The following CNNM2 variants were observed in gnomAD, a reference collection of about 807,000 sequenced individuals.
CNNM2 encodes the protein cyclin and CBS domain divalent metal cation transport mediator 2.
CNNM2 carries 12 observed loss-of-function variants against 66.9 expected under a neutral mutation model. The observed-to-expected ratio is 0.18, with a 90% CI of 0.11 to 0.29. The LOEUF is 0.29. Among genes scored for constraint, CNNM2 ranks in the 10% least tolerant of loss-of-function variants. The pLI is 1.00. For synonymous variants in CNNM2, 557 were observed against 501.8 expected, an observed-to-expected ratio of 1.11 and a Z score of -1.47; for missense variants, 705 against 1,167.7, an observed-to-expected ratio of 0.60 and a Z score of 5.77.
intron 1 of CNNM2, chr10:102,927,696 C>T (rs1845918635): frequency 9.6e-6 from 3 of 313,174 alleles, no homozygotes; most frequent in Non-Finnish European, 1.8e-5. Flanking sequence ...ACTTAGGTGG[C>T]GGAGGTTGCC....
intron 1 of CNNM2, among the ~76,000 whole-genome samples, chr10:102,989,726 C>T (rs2063863101): frequency 6.6e-6 from 1 of 151,946 alleles, no homozygotes; most frequent in Non-Finnish European, 1.5e-5. Context: ...TTGTTTGACC[C>T]AGGAGACGGA....
intron 1 of CNNM2, among the ~76,000 whole-genome samples, chr10:103,029,319 A>T (rs1010275800): frequency 2.0e-5 from 3 of 150,112 alleles, no homozygotes; most frequent in Non-Finnish European, 4.4e-5. Flanking sequence ...AAAAAAAAAA[A>T]TAGGCGGGCG....
intron 1 of CNNM2, among the ~76,000 whole-genome samples, chr10:102,961,582 A>T (rs1018547789): frequency 6.6e-6 from 1 of 152,108 alleles, no homozygotes; most frequent in African/African-American, 2.4e-5. Context: ...TGGCTACTAG[A>T]TTTAATATAG....
intron 1 of CNNM2, among the ~76,000 whole-genome samples, chr10:103,000,372 G>T (rs140434575): frequency 6.6e-6 from 1 of 152,198 alleles, no homozygotes; most frequent in East Asian, 1.9e-4. Context: ...TTCCAATTCT[G>T]AGTATATGCC....
intron 1 of CNNM2, among the ~76,000 whole-genome samples, chr10:102,998,955 A>G (rs1328626437): frequency 1.3e-5 from 2 of 152,196 alleles, no homozygotes; most frequent in East Asian, 3.8e-4. Context: ...CCCAGGCTAG[A>G]GTGCAGTGGC....
At position 103,036,381 on chromosome 10, in the gene CNNM2, T is replaced by C. The variant is rs78893207; in HGVS notation, c.1622-13326T>C. On this transcript the variant is annotated intron_variant, in intron 1 of 7. Transcript: ENST00000369878. Reference sequence around the variant, plus strand: ...CTGATTAAGTCAGGTCTACCAAGAGTGATCTCCCTTAAAGTCAACCCATGA... The same window carrying C: ...CTGATTAAGTCAGGTCTACCAAGAGCGATCTCCCTTAAAGTCAACCCATGA... Among the ~76,000 whole-genome samples, 15,908 of 152,132 alleles carry C rather than the reference T, an allele frequency of 0.1. 849 individuals carry two copies. The highest frequency in any genetic ancestry group is 0.18 in the Middle Eastern group (52 of 294).
Position 103,008,239 on chromosome 10 carries a change from A to T in CNNM2, c.1622-41468A>T, listed in dbSNP as rs147854637. Among the ~76,000 whole-genome samples, 533 of 152,144 alleles carry T rather than the reference A, an allele frequency of 3.5e-3. 9 individuals are homozygous for T. The highest frequency in any genetic ancestry group is 0.031 in the Admixed American group (467 of 15,262). ...ACTATTGGGCAGGGGGCTGTACCTCACTGTCACTCAGGATCAACTGTGTAA... is the reference window on the plus strand; with the variant it reads ...ACTATTGGGCAGGGGGCTGTACCTCTCTGTCACTCAGGATCAACTGTGTAA... On this transcript the variant is annotated intron_variant, in intron 1 of 7. Coordinates refer to ENST00000369878, the MANE Select transcript of CNNM2 (RefSeq NM_017649.5).
rs770585350 is a variant in CNNM2 at position 103,076,151 on chromosome 10, C to T, written c.2299C>T (p.Arg767Trp). The change falls in exon 7 of 8, where the codon CGG becomes TGG. Residue 767 changes from arginine to tryptophan, a missense_variant. By Grantham distance (101) the Arg-to-Trp change is moderately radical (BLOSUM62 -3). Coordinates refer to ENST00000369878, the MANE Select transcript of CNNM2 (RefSeq NM_017649.5). ...NHSDSLSRSD[R>W]IDAVTPTLGS... is the part of the protein sequence containing the mutation. ...CTCAGACTCTCTCAGTCGAAGCGAC[C>T]GGATTGACGCCGTCACACCAACACT... 14 of 1,609,206 alleles carry T rather than the reference C, an allele frequency of 8.7e-6. No homozygotes were observed. The highest frequency in any genetic ancestry group is 2.2e-5 in the East Asian group (1 of 44,704).
rs1716456381 is a variant in CNNM2, at chr10:103,084,193, A to G, written c.*7013A>G. The G allele has an allele frequency of 1.3e-5, 2 of 152,156 alleles. No individual in the cohort carries two copies. The highest frequency in any genetic ancestry group is 2.4e-5 in the African/African-American group (1 of 41,418). 9.4% of individuals were successfully genotyped at this position (152,156 alleles called of 1,614,324 possible). A position where few individuals can be genotyped will look rare whatever the true frequency, so the allele number is the denominator to read the frequency against. ...GTCTCTATTTTACATTCCAAAGAGG[A>G]TCGTGCTCTGAAAATTTAGCCTCTT... On this transcript the variant is annotated 3_prime_UTR_variant, in exon 8 of 8. Coordinates refer to ENST00000369878, the MANE Select transcript of CNNM2 (RefSeq NM_017649.5).
At chr10:102,927,241 A>G in intron 1 of CNNM2, 3 of 1,445,418 alleles carry the variant, frequency 2.1e-6, no homozygotes, top group Non-Finnish European at 2.9e-6. Context: ...GATTTGCTTG[A>G]CATATAAAGA....
intron 1 of CNNM2, among the ~76,000 whole-genome samples, chr10:103,003,716 T>A (rs1458419022): frequency 6.6e-6 from 1 of 151,940 alleles, no homozygotes. Flanking sequence ...GTGGTTGCAT[T>A]GAGCCAAGAT....
chr10:103,070,656 G>A (rs1159499811), intron 5 of CNNM2, among the ~76,000 whole-genome samples: 1 of 152,230 alleles, frequency 6.6e-6, no homozygotes, highest in Non-Finnish European at 1.5e-5. Flanking sequence ...ATTTAGAAGA[G>A]GATGTGGTGA....
intron 2 of CNNM2, among the ~76,000 whole-genome samples, chr10:103,050,149 AT>A (rs1459158502): frequency 1.3e-5 from 2 of 152,240 alleles, no homozygotes; most frequent in Non-Finnish European, 2.9e-5. Context: ...ATGTAAAAAA[AT>A]CTCTACTAAA....
intron 1 of CNNM2, among the ~76,000 whole-genome samples, chr10:103,009,777 T>C (rs2064304857): frequency 6.6e-6 from 1 of 151,568 alleles, no homozygotes; most frequent in Non-Finnish European, 1.5e-5. Context: ...ATAGACAGTG[T>C]CTAAATGAGA....
chr10:102,930,865 A>T (rs1846040443), intron 1 of CNNM2, among the ~76,000 whole-genome samples: 1 of 152,212 alleles, frequency 6.6e-6, no homozygotes, highest in Non-Finnish European at 1.5e-5. Flanking sequence ...TGTAGCATGT[A>T]TCAGTATTTC....
intron 1 of CNNM2, among the ~76,000 whole-genome samples, chr10:103,005,448 A>G (rs1004866616): frequency 4.6e-5 from 7 of 151,756 alleles, no homozygotes; most frequent in African/African-American, 1.7e-4. Context: ...CAGGAGTACA[A>G]GACCAGCCTG....
At chr10:102,985,217 A>G (rs1343709705) in intron 1 of CNNM2, among the ~76,000 whole-genome samples, 1 of 152,112 alleles carries the variant, frequency 6.6e-6, no homozygotes, top group African/African-American at 2.4e-5. Flanking sequence ...TTTTTCTAAA[A>G]CAATTTGAAT....
chr10:103,060,273 A>G (rs112302160), intron 4 of CNNM2, among the ~76,000 whole-genome samples: 360 of 152,206 alleles, frequency 2.4e-3, no homozygotes, highest in African/African-American at 8.1e-3. Context: ...TAAAAAATAC[A>G]TAAAAGTGCT....
intron 1 of CNNM2, among the ~76,000 whole-genome samples, chr10:102,996,152 A>G (rs997160862): frequency 6.6e-6 from 1 of 151,500 alleles, no homozygotes; most frequent in South Asian, 2.1e-4. Context: ...TGTAATTTAT[A>G]TTATGTCTTT....
Sources: allele counts gnomAD v4.1 joint callset (sites outside exome capture counted in the v4.1 genomes callset), GRCh38; gene constraint gnomAD v4.1.1; transcripts MANE v1.5; gene names NCBI Gene and HGNC (gene_info 2026-07-23, HGNC 2026-07-21).